Variants in SMG5 observed in about 807,000 individuals in gnomAD.
SMG5 encodes the protein SMG5 nonsense mediated mRNA decay factor, also known as nonsense-mediated mRNA decay factor SMG5.
SMG5 carries 53 observed loss-of-function variants against 122.9 expected under a neutral mutation model. That is an observed-to-expected ratio of 0.43 (90% confidence interval 0.35 to 0.54). The LOEUF (loss-of-function observed/expected upper bound fraction) is 0.54. Among genes scored for constraint, SMG5 ranks in the 20% least tolerant of loss-of-function variants. The pLI, the probability that SMG5 is intolerant of heterozygous loss-of-function variation, is 0.01. For synonymous variants in SMG5, 477 were observed against 490.2 expected (o/e 0.97, Z 0.35); for missense variants, 1,153 against 1,285.6 (o/e 0.90, Z 1.58).
intron 12 of SMG5, among the ~76,000 whole-genome samples, chr1:156,264,015 A>C (rs1039804960): frequency 1.3e-5 from 2 of 152,122 alleles, no homozygotes; most frequent in African/African-American, 2.4e-5. Flanking sequence ...CACGCCTGTA[A>C]TCCCTGCACT....
chr1:156,285,440 G>A (rs1663121123), upstream of SMG5: 1 of 1,613,684 alleles, frequency 6.2e-7, no homozygotes, highest in Non-Finnish European at 8.5e-7. Flanking sequence ...CACAGTAAGT[G>A]AGGCTGCCAC....
the SMG5 span, among the ~76,000 whole-genome samples, chr1:156,288,916 C>T: frequency 6.6e-6 from 1 of 152,162 alleles, no homozygotes; most frequent in African/African-American, 2.4e-5. Context: ...CATCAGGGAG[C>T]TAAAGGAAGA....
intron 1 of SMG5, among the ~76,000 whole-genome samples, chr1:156,279,787 T>C (rs569863743): frequency 2.0e-5 from 3 of 152,298 alleles, no homozygotes; most frequent in African/African-American, 7.2e-5. Flanking sequence ...CTGGGCTGCT[T>C]AGCCGTAAGC....
chr1:156,265,724 G>A (rs2103226624), intron 12 of SMG5, 57 bp downstream of exon 12: 2 of 1,567,198 alleles, frequency 1.3e-6, no homozygotes, highest in East Asian at 2.2e-5. Context: ...CCTCTCTGGT[G>A]AGTGTCTATG....
At chr1:156,255,531 C>T (rs970499273) in intron 16 of SMG5, among the ~76,000 whole-genome samples, 11 of 151,306 alleles carry the variant, frequency 7.3e-5, no homozygotes, top group Admixed American at 4.6e-4. Flanking sequence ...AAGAGCAAAA[C>T]TCCGTCTCAA....
intron 6 of SMG5, 70 bp from the exon 7 acceptor site, chr1:156,272,468 G>T: frequency 7.6e-7 from 1 of 1,308,274 alleles, no homozygotes; most frequent in Non-Finnish European, 1.1e-6. Flanking sequence ...CCCAACCAAT[G>T]CTAAGCATCA....
intron 12 of SMG5, among the ~76,000 whole-genome samples, chr1:156,263,900 CTG>C (rs1661984867): frequency 6.6e-6 from 1 of 152,144 alleles, no homozygotes; most frequent in African/African-American, 2.4e-5. Context: ...AATGCCTACT[CTG>C]TGCTGGAAGG....
chr1:156,266,410 C>G (rs748484492), intron 11 of SMG5, 30 bp from the exon 12 acceptor site: 1 of 1,602,904 alleles, frequency 6.2e-7, no homozygotes, highest in Non-Finnish European at 8.5e-7. Context: ...AGGTGGAGCC[C>G]GAGGAACAGG....
intron 7 of SMG5, among the ~76,000 whole-genome samples, chr1:156,270,611 T>C (rs1272690535): frequency 6.6e-6 from 1 of 152,262 alleles, no homozygotes; most frequent in Non-Finnish European, 1.5e-5. Context: ...TGGATATACC[T>C]GGCTCTCTTT....
chr1:156,285,814 G>A (rs762998741), upstream of SMG5: 1 of 1,613,718 alleles, frequency 6.2e-7, no homozygotes, highest in Non-Finnish European at 8.5e-7. Context: ...GAGACCGTGA[G>A]TGGCTAAGGG....
rs900637267 is a variant in SMG5, at chr1:156,282,820, C to T, written c.-140G>A. On this transcript the variant is annotated 5_prime_UTR_variant, in exon 1 of 22. Transcript: ENST00000361813. ...CCGCCATCGCTGTGAGGCGGCTGCCCGCGACAGCTCCTCCTCCGCCTGCCA... is the reference window on the plus strand; with the variant it reads ...CCGCCATCGCTGTGAGGCGGCTGCCTGCGACAGCTCCTCCTCCGCCTGCCA... 5 of 851,086 alleles carry T rather than the reference C, an allele frequency of 5.9e-6. No individual in the cohort carries two copies. The highest frequency in any genetic ancestry group is 5.6e-5 in the South Asian group (3 of 53,856). The allele number at this position is 851,086 out of a possible 1,614,324, so 52.7% of individuals were successfully genotyped here.
rs952051986 is a variant in SMG5 at position 156,251,606 on chromosome 1, C to T, written c.2754-129G>A. On this transcript the variant is annotated intron_variant, in intron 19 of 21. Coordinates refer to ENST00000361813, the MANE Select transcript of SMG5 (RefSeq NM_015327.3). ...GCTGGGGAACATGTCTCTCCCACCA[C>T]AGCTCTGGAGCCATTCTTAAGTGGC... 3.4e-6 allele frequency: 3 copies of T among 869,664 alleles called. No individual in the cohort carries two copies. The African/African-American group carries it at 4.9e-5, about 14-fold the overall frequency. 53.9% of individuals were successfully genotyped at this position (869,664 alleles called of 1,614,324 possible).
At chr1:156,270,704 AT>A (rs960589911) in intron 7 of SMG5, among the ~76,000 whole-genome samples, 6 of 152,196 alleles carry the variant, frequency 3.9e-5, no homozygotes, top group African/African-American at 1.4e-4. Context: ...TCAGGAAGGC[AT>A]TTAAGAAATG....
rs1195864262 is a variant in SMG5 at position 156,250,470 on chromosome 1, TC to T, written c.*116del. ...CAGCCTCTGAGCAGCTAGGCCTCCC[TC>T]CTGTGTGCGTGCATGAGTCTGCGTG... On this transcript the variant is annotated 3_prime_UTR_variant, in exon 22 of 22. Coordinates refer to ENST00000361813, the MANE Select transcript of SMG5 (RefSeq NM_015327.3). 1 of 902,154 alleles carries T rather than the reference TC, an allele frequency of 1.1e-6. No homozygotes were observed. Among genetic ancestry groups the T allele is most frequent in the African/African-American group, 1.6e-5 (1 of 61,088 alleles). 55.9% of individuals were successfully genotyped at this position (902,154 alleles called of 1,614,324 possible).
chr1:156,266,934 C>T (rs575937191), intron 10 of SMG5, among the ~76,000 whole-genome samples: 5 of 152,134 alleles, frequency 3.3e-5, no homozygotes, highest in East Asian at 1.9e-4. Context: ...AGGCACTGTA[C>T]GTGTCCTATT....
In SMG5 at chr1:156,250,246, T is replaced by C. The variant is rs911235264; in HGVS notation, c.*341A>G. 2.7e-6 allele frequency: 1 copy of C among 377,066 alleles called. No homozygotes were observed. Among genetic ancestry groups the C allele is most frequent in the Non-Finnish European group, 5.1e-6 (1 of 197,232 alleles). The allele number at this position is 377,066 out of a possible 1,614,324, so 23.4% of individuals were successfully genotyped here. A position where few individuals can be genotyped will look rare whatever the true frequency, so the allele number is the denominator to read the frequency against. ...GGGCCTCTTTTGCTGTTCCTTCCCC[T>C]CAGAGATCCAAGAACCCATTCCAGT... On this transcript the variant is annotated 3_prime_UTR_variant, in exon 22 of 22. Transcript: ENST00000361813.
intron 16 of SMG5, chr1:156,253,714 G>A: frequency 1.7e-6 from 1 of 605,160 alleles, no homozygotes; most frequent in Non-Finnish European, 3.0e-6. Flanking sequence ...CCAACCCGAT[G>A]CAGGTCATGA....
At chr1:156,258,593 C>T (rs1245657666) in intron 16 of SMG5, among the ~76,000 whole-genome samples, 3 of 152,188 alleles carry the variant, frequency 2.0e-5, no homozygotes, top group Admixed American at 2.0e-4. Flanking sequence ...GGCAAGAGAT[C>T]GAGACCATCC....
chr1:156,250,851 G>C lies in SMG5; in HGVS notation c.2967+7C>G. On this transcript the variant is annotated splice_region_variant and intron_variant, in intron 21 of 21. Transcript: ENST00000361813. The stretch of plus-strand genomic sequence containing the variant: ...CACACCATCCCCCCACCTCACCCAT[G>C]ACCCACCTGCATGGGGCCTGAAAGC... The C allele has an allele frequency of 6.2e-7, 1 of 1,613,728 alleles. No individual in the cohort carries two copies. Among genetic ancestry groups the C allele is most frequent in the Non-Finnish European group, 8.5e-7 (1 of 1,179,812 alleles).
Sources: allele counts gnomAD v4.1 joint callset (sites outside exome capture counted in the v4.1 genomes callset), GRCh38; gene constraint gnomAD v4.1.1; transcripts MANE v1.5; gene names NCBI Gene and HGNC (gene_info 2026-07-23, HGNC 2026-07-21).